The following ZNF385C variants were observed in gnomAD, a reference collection of about 807,000 sequenced individuals.
ZNF385C encodes CTD-2132N18.2.
In ZNF385C, 28 loss-of-function variants were observed where a neutral mutation model predicts 35.4. The observed-to-expected ratio is 0.79, with a 90% CI of 0.59 to 1.08. The LOEUF is 1.08. ZNF385C is among the 50% of genes least tolerant of loss of function. The pLI, the probability that ZNF385C is intolerant of heterozygous loss-of-function variation, is 0.00. For missense variants in ZNF385C, 605 were observed against 595.6 expected, an observed-to-expected ratio of 1.02 and a Z score of -0.16; for synonymous variants, 248 against 248.2, an observed-to-expected ratio of 1.00 and a Z score of 0.01.
chr17:42,036,678 G>T (rs1334601752), intron 3 of ZNF385C, among the ~76,000 whole-genome samples: 1 of 152,192 alleles, frequency 6.6e-6, no homozygotes, highest in Non-Finnish European at 1.5e-5. Flanking sequence ...GCCAGCAAGG[G>T]GCTCAGGGGA....
chr17:42,082,832 C>T (rs1598204433), intron 1 of ZNF385C, among the ~76,000 whole-genome samples: 1 of 152,188 alleles, frequency 6.6e-6, no homozygotes, highest in African/African-American at 2.4e-5. Context: ...AATCCCAGCA[C>T]TTTGGGAGGC....
At chr17:42,035,827 T>G (rs534369903) in intron 3 of ZNF385C, among the ~76,000 whole-genome samples, 1 of 152,004 alleles carries the variant, frequency 6.6e-6, no homozygotes, top group South Asian at 2.1e-4. Context: ...GTGCTGGAAT[T>G]ACAGGTGTGA....
At chr17:42,028,753 C>T (rs1555654624) in intron 6 of ZNF385C, 30 bp downstream of exon 6, 2 of 1,534,140 alleles carry the variant, frequency 1.3e-6, no homozygotes. Flanking sequence ...CCCACCCTTT[C>T]CCTGGGCTCC....
intron 2 of ZNF385C, among the ~76,000 whole-genome samples, chr17:42,056,934 A>G (rs1026820540): frequency 4.8e-4 from 73 of 152,126 alleles, no homozygotes; most frequent in African/African-American, 1.7e-3. Context: ...AGCAGCATGA[A>G]AATGGACTAA....
intron 1 of ZNF385C, among the ~76,000 whole-genome samples, chr17:42,068,266 C>T (rs1262421494): frequency 6.6e-6 from 1 of 152,102 alleles, no homozygotes; most frequent in Non-Finnish European, 1.5e-5. Context: ...GCATGACCCA[C>T]GCTAGCAGGA....
At chr17:42,052,814 AAGAGCAT>A (rs1413118736) in intron 2 of ZNF385C, among the ~76,000 whole-genome samples, 1 of 152,014 alleles carries the variant, frequency 6.6e-6, no homozygotes, top group Non-Finnish European at 1.5e-5. Flanking sequence ...TCGGAGTTAA[AAGAGCAT>A]ATCTCCAAAC....
chr17:42,054,166 C>G (rs895746780), intron 2 of ZNF385C, among the ~76,000 whole-genome samples: 1 of 152,230 alleles, frequency 6.6e-6, no homozygotes, highest in East Asian at 1.9e-4. Context: ...TCCCTCACCC[C>G]CTACTCACAG....
intron 1 of ZNF385C, among the ~76,000 whole-genome samples, chr17:42,082,665 G>C (rs189313960): frequency 2.0e-5 from 3 of 152,376 alleles, no homozygotes; most frequent in Non-Finnish European, 4.4e-5. Context: ...CAGTGTGGCT[G>C]TTCATGCCTG....
intron 1 of ZNF385C, among the ~76,000 whole-genome samples, chr17:42,092,805 C>G (rs531239417): frequency 6.6e-6 from 1 of 152,102 alleles, no homozygotes; most frequent in African/African-American, 2.4e-5. Flanking sequence ...GAGCACTCAA[C>G]TTTGGGGCTG....
intron 4 of ZNF385C, among the ~76,000 whole-genome samples, chr17:42,032,139 C>T (rs1049808750): frequency 8.5e-5 from 13 of 152,150 alleles, no homozygotes; most frequent in Admixed American, 1.3e-4. Flanking sequence ...CAGCTCACTG[C>T]AACCTCCGCC....
intron 2 of ZNF385C, 127 bp downstream of exon 2, chr17:42,062,680 A>G (rs1297726388): frequency 7.1e-6 from 3 of 421,628 alleles, no homozygotes; most frequent in African/African-American, 6.1e-5. Flanking sequence ...CTAAGACCCC[A>G]TTGAGGGCAC....
chr17:42,026,564 G>A lies in ZNF385C; in HGVS notation c.*333C>T. 1 of 368,732 alleles carries A rather than the reference G, an allele frequency of 2.7e-6. No individual in the cohort carries two copies. Among genetic ancestry groups the A allele is most frequent in the South Asian group, 2.6e-5 (1 of 38,796 alleles). 22.8% of individuals were successfully genotyped at this position (368,732 alleles called of 1,614,324 possible). On this transcript the variant is annotated 3_prime_UTR_variant, in exon 9 of 9. Coordinates refer to ENST00000692273, the MANE Select transcript of ZNF385C (RefSeq NM_001392013.1). ...GGCTAGGAGAGGATGGCTTGTAGAA[G>A]CTAAGATTCCTAGAGTCTGGCCATG...
chr17:42,062,120 C>CT (rs1246850565), intron 2 of ZNF385C: 1 of 153,024 alleles, frequency 6.5e-6, no homozygotes, highest in Admixed American at 6.5e-5. Flanking sequence ...CCTCCCCACA[C>CT]TGAGCCTGAA....
rs1555655030 is a variant in ZNF385C at position 42,031,800 on chromosome 17, C to T, written c.511-16G>A. On this transcript the variant is annotated splice_polypyrimidine_tract_variant and intron_variant, in intron 4 of 8. Coordinates refer to ENST00000692273, the MANE Select transcript of ZNF385C (RefSeq NM_001392013.1). ...CGGCCTGGTTCTGGGGAGGGGAGGG[C>T]AAGAGGTCACCATTCACTGGCTGAG... is the stretch of plus-strand genomic sequence containing the variant. The T allele has an allele frequency of 7.7e-6, 12 of 1,549,160 alleles. No individual in the cohort carries two copies. The South Asian group carries it at 1.4e-4, about 18-fold the overall frequency.
chr17:42,093,430 G>T (rs1378310698), intron 1 of ZNF385C, among the ~76,000 whole-genome samples: 4 of 152,060 alleles, frequency 2.6e-5, no homozygotes, highest in Non-Finnish European at 5.9e-5. Flanking sequence ...GATGACTCTG[G>T]ACCCCCAGCC....
At chr17:42,067,013 G>A (rs2053557058) in intron 1 of ZNF385C, among the ~76,000 whole-genome samples, 1 of 152,096 alleles carries the variant, frequency 6.6e-6, no homozygotes. Flanking sequence ...AGGTTGCAGT[G>A]AGTCGAGATC....
chr17:42,066,931 C>T (rs1200890418), intron 1 of ZNF385C, among the ~76,000 whole-genome samples: 2 of 152,014 alleles, frequency 1.3e-5, no homozygotes, highest in Non-Finnish European at 2.9e-5. Context: ...TAGCCAGGCG[C>T]GGTGGTGGGT....
intron 4 of ZNF385C, among the ~76,000 whole-genome samples, chr17:42,033,343 TC>T (rs2052773789): frequency 6.6e-6 from 1 of 152,206 alleles, no homozygotes; most frequent in South Asian, 2.1e-4. Context: ...GACCTTGGGG[TC>T]AGCCAGGCCT....
chr17:42,042,220 AC>A (rs60791280), intron 2 of ZNF385C, among the ~76,000 whole-genome samples: 2 of 151,842 alleles, frequency 1.3e-5, no homozygotes, highest in Non-Finnish European at 2.9e-5. Flanking sequence ...TTTAAAAAAA[AC>A]CAAAAAACAA....
Sources: gnomAD v4.1 joint callset for allele counts (sites outside exome capture counted in the v4.1 genomes callset) on GRCh38, gnomAD v4.1.1 for gene constraint, MANE v1.5 for transcripts, NCBI Gene and HGNC (gene_info 2026-07-23, HGNC 2026-07-21) for gene names.